SQOR: variants seen among roughly 807,000 people sequenced by gnomAD.
SQOR encodes sulfide quinone oxidoreductase.
In SQOR, 39 loss-of-function variants were observed where a neutral mutation model predicts 48.6. The observed-to-expected ratio is 0.80, with a 90% confidence interval of 0.62 to 1.05. The LOEUF (loss-of-function observed/expected upper bound fraction) is 1.05. Among genes scored for constraint, SQOR ranks in the 50% least tolerant of loss-of-function variants. SQOR has a pLI of 0.00. For missense variants in SQOR, 561 were observed against 559.9 expected (o/e 1.00, Z -0.02); for synonymous variants, 220 against 206.2 (o/e 1.07, Z -0.57).
intron 4 of SQOR, among the ~76,000 whole-genome samples, chr15:45,671,141 C>T (rs1213755353): frequency 2.6e-5 from 4 of 152,142 alleles, no homozygotes; most frequent in Non-Finnish European, 5.9e-5. Context: ...ATACCAGGAA[C>T]CATGGTAGGA....
In SQOR at chr15:45,658,911, A is replaced by G. The variant is rs777406121; in HGVS notation, c.-13A>G. 22 of 1,533,674 alleles carry G rather than the reference A, an allele frequency of 1.4e-5. No homozygotes were observed. The East Asian group carries it at 5.1e-4, about 36-fold the overall frequency. ...GCCCTGTCTCTTCCCTTCCAGCCTG[A>G]TCCTGCCTGAAGATGGTGCCACTGG... On this transcript the variant is annotated 5_prime_UTR_variant, in exon 2 of 10. Coordinates refer to ENST00000260324, the MANE Select transcript of SQOR (RefSeq NM_021199.4).
intron 2 of SQOR, among the ~76,000 whole-genome samples, chr15:45,661,290 TA>T (rs34286267): frequency 0.028 from 1,880 of 67,518 alleles, 58 homozygotes; most frequent in East Asian, 0.17. Context: ...GACTCTGTCT[TA>T]AAAAAAAAAA....
At chr15:45,634,226 T>TATATATATATATATATATATATA (rs1555399817), upstream of SQOR, among the ~76,000 whole-genome samples, 4 of 33,620 alleles carry the variant, frequency 1.2e-4, no homozygotes, top group South Asian at 1.0e-3. Context: ...ATATATATAT[T>TATATATATATATATATATATATA]CAAAATTCAT....
chr15:45,669,338 A>T (rs890889583), intron 3 of SQOR, among the ~76,000 whole-genome samples: 3 of 151,464 alleles, frequency 2.0e-5, no homozygotes, highest in African/African-American at 7.3e-5. Flanking sequence ...TAATTTTTGT[A>T]TTTTTTGCAG....
intron 1 of SQOR, among the ~76,000 whole-genome samples, chr15:45,646,895 TAA>T (rs1889350403): frequency 6.6e-6 from 1 of 152,156 alleles, no homozygotes; most frequent in Non-Finnish European, 1.5e-5. Flanking sequence ...TTCTGAAAGA[TAA>T]AGACTCCTAA....
At chr15:45,668,577 C>G (rs1889880007) in intron 3 of SQOR, among the ~76,000 whole-genome samples, 1 of 152,178 alleles carries the variant, frequency 6.6e-6, no homozygotes, top group Admixed American at 6.5e-5. Context: ...GTGGAGGTGG[C>G]TTTGGGGCTG....
chr15:45,650,335 T>G (rs1157635331), intron 1 of SQOR, among the ~76,000 whole-genome samples: 1 of 152,190 alleles, frequency 6.6e-6, no homozygotes, highest in East Asian at 1.9e-4. Flanking sequence ...TTACAGTTCT[T>G]AAAGGCGGCG....
chr15:45,683,860 G>A (rs1395540846), intron 7 of SQOR, among the ~76,000 whole-genome samples: 3 of 150,842 alleles, frequency 2.0e-5, no homozygotes, highest in African/African-American at 4.9e-5. Flanking sequence ...TATTATGTGT[G>A]TGTGTGTGTG....
rs1211631148 is a variant in SQOR, at chr15:45,674,099, A to T, written c.654+298A>T. On this transcript the variant is annotated intron_variant, in intron 5 of 9. Coordinates refer to ENST00000260324, the MANE Select transcript of SQOR (RefSeq NM_021199.4). ...ATGAAAAATTTAGCTGTATTATGTA[A>T]TATTAAATAGTCTTTGTTACATACT... 3 of 355,112 alleles carry T rather than the reference A, an allele frequency of 8.4e-6. No individual in the cohort carries two copies. In the Admixed American group the frequency reaches 1.4e-4, roughly 16 times the overall value. The allele number at this position is 355,112 out of a possible 1,614,324, so 22.0% of individuals were successfully genotyped here. A position where few individuals can be genotyped will look rare whatever the true frequency, so the allele number is the denominator to read the frequency against.
chr15:45,660,274 C>A (rs1889695825), intron 2 of SQOR, among the ~76,000 whole-genome samples: 1 of 152,040 alleles, frequency 6.6e-6, no homozygotes, highest in Non-Finnish European at 1.5e-5. Context: ...AAGATTTGTC[C>A]CCAGCAGGGA....
At chr15:45,650,553 A>G (rs527780197) in intron 1 of SQOR, among the ~76,000 whole-genome samples, 255 of 150,276 alleles carry the variant, frequency 1.7e-3, no homozygotes, top group Middle Eastern at 3.4e-3. Context: ...CATCCACAAC[A>G]CGAAAGAGGA....
intron 5 of SQOR, among the ~76,000 whole-genome samples, chr15:45,675,692 G>A (rs183770208): frequency 7.8e-4 from 118 of 152,206 alleles, no homozygotes; most frequent in African/African-American, 2.7e-3. Context: ...GAGGTACTGC[G>A]CCTGGCTGGA....
chr15:45,657,929 T>C (rs1462157023), intron 1 of SQOR, among the ~76,000 whole-genome samples: 2 of 152,118 alleles, frequency 1.3e-5, no homozygotes, highest in African/African-American at 4.8e-5. Context: ...GAGGGAGATA[T>C]CATGAGCCGG....
At chr15:45,657,369 T>C (rs1203424503) in intron 1 of SQOR, among the ~76,000 whole-genome samples, 1 of 152,000 alleles carries the variant, frequency 6.6e-6, no homozygotes, top group Non-Finnish European at 1.5e-5. Context: ...ATCTTTGTAG[T>C]GGTTTTTCTT....
chr15:45,663,317 C>G (rs555120827), intron 3 of SQOR, among the ~76,000 whole-genome samples: 31 of 152,274 alleles, frequency 2.0e-4, no homozygotes, highest in African/African-American at 7.0e-4. Flanking sequence ...TGTGCCCGGC[C>G]TGCTGAGGCA....
At chr15:45,685,801 A>G (rs916751685) in intron 7 of SQOR, among the ~76,000 whole-genome samples, 18 of 152,234 alleles carry the variant, frequency 1.2e-4, no homozygotes, top group African/African-American at 3.9e-4. Flanking sequence ...TATGATCTTT[A>G]GAGATGTTGC....
At chr15:45,642,315 G>T (rs1176257166) in intron 1 of SQOR, among the ~76,000 whole-genome samples, 2 of 152,214 alleles carry the variant, frequency 1.3e-5, no homozygotes, top group African/African-American at 4.8e-5. Context: ...TGGTGGAGAA[G>T]ACCAATGACT....
At chr15:45,638,202 G>C (rs912798765) in intron 1 of SQOR, among the ~76,000 whole-genome samples, 1 of 152,200 alleles carries the variant, frequency 6.6e-6, no homozygotes, top group Non-Finnish European at 1.5e-5. Flanking sequence ...ATCTATGTCT[G>C]TAACTTTGGG....
At chr15:45,669,365 T>C (rs1486751501) in intron 3 of SQOR, among the ~76,000 whole-genome samples, 1 of 152,036 alleles carries the variant, frequency 6.6e-6, no homozygotes, top group East Asian at 1.9e-4. Context: ...GGTTTTGCCA[T>C]GTTGCCCAGG....
Sources: allele counts gnomAD v4.1 joint callset (sites outside exome capture counted in the v4.1 genomes callset), GRCh38; gene constraint gnomAD v4.1.1; transcripts MANE v1.5; gene names NCBI Gene and HGNC (gene_info 2026-07-23, HGNC 2026-07-21).